Variants in CCSER1 observed in about 807,000 individuals in gnomAD.
The protein encoded by CCSER1 is serine-rich coiled-coil domain-containing protein 1.
In CCSER1, 41 loss-of-function variants were observed where a neutral mutation model predicts 82.0. The observed-to-expected ratio is 0.50, with a 90% CI of 0.39 to 0.65. The LOEUF is 0.65. Among genes scored for constraint, CCSER1 ranks in the 30% least tolerant of loss-of-function variants. CCSER1 has a pLI of 0.00. For synonymous variants in CCSER1, 414 were observed against 383.9 expected (o/e 1.08, Z -0.92); for missense variants, 1,119 against 1,064.2 (o/e 1.05, Z -0.72).
At chr4:91,454,264 C>T (rs1756023392) in intron 10 of CCSER1, among the ~76,000 whole-genome samples, 2 of 152,052 alleles carry the variant, frequency 1.3e-5, no homozygotes, top group African/African-American at 2.4e-5. Context: ...GCTGGTCGCC[C>T]TACAAAGGCT....
At chr4:90,193,420 A>G (rs935636398) in intron 1 of CCSER1, among the ~76,000 whole-genome samples, 10 of 152,108 alleles carry the variant, frequency 6.6e-5, no homozygotes, top group African/African-American at 2.4e-4. Context: ...TTGGAATTGA[A>G]TAGCTAAGTA....
chr4:91,558,257 T>A (rs1762494186), intron 10 of CCSER1, among the ~76,000 whole-genome samples: 1 of 151,508 alleles, frequency 6.6e-6, no homozygotes, highest in Non-Finnish European at 1.5e-5. Flanking sequence ...TATTATTGGT[T>A]CCCATGTTAT....
intron 1 of CCSER1, among the ~76,000 whole-genome samples, chr4:90,201,210 TTAAAA>T (rs1737642024): frequency 1.3e-5 from 2 of 152,318 alleles, no homozygotes; most frequent in South Asian, 4.1e-4. Context: ...CAGCTTACAA[TTAAAA>T]TAAATAATTC....
intron 1 of CCSER1, among the ~76,000 whole-genome samples, chr4:90,276,611 G>T (rs2153457923): frequency 6.6e-6 from 1 of 152,152 alleles, no homozygotes; most frequent in Admixed American, 6.5e-5. Context: ...CACCCAAAGT[G>T]CTGGGATTAT....
rs1742424587 is a variant in CCSER1, at chr4:91,276,224, A to T, written c.2217+190230A>T. 2.0e-5 allele frequency among the ~76,000 whole-genome samples: 3 copies of T among 148,900 alleles called. No homozygotes were observed. The South Asian group carries it at 6.3e-4, about 31-fold the overall frequency. On this transcript the variant is annotated intron_variant, in intron 10 of 10. Coordinates refer to ENST00000509176, the MANE Select transcript of CCSER1 (RefSeq NM_001145065.2). The stretch of plus-strand genomic sequence containing the variant: ...ACATTGGTATTTTATTAAGGATTGC[A>T]CTGAATTTGTAGATTTCTTTGGGTA...
intron 6 of CCSER1, among the ~76,000 whole-genome samples, chr4:90,637,273 T>A (rs1725598104): frequency 6.6e-6 from 1 of 152,146 alleles, no homozygotes; most frequent in African/African-American, 2.4e-5. Context: ...AGGCCTCAGT[T>A]CCTTACCATG....
chr4:91,093,896 C>A (rs1021079112), intron 10 of CCSER1, among the ~76,000 whole-genome samples: 27 of 152,214 alleles, frequency 1.8e-4, no homozygotes, highest in African/African-American at 6.5e-4. Context: ...CCATAATCTG[C>A]AAAACCCCAC....
At chr4:91,482,044 A>C (rs1032322365) in intron 10 of CCSER1, among the ~76,000 whole-genome samples, 4 of 151,862 alleles carry the variant, frequency 2.6e-5, no homozygotes, top group Non-Finnish European at 5.9e-5. Context: ...TGGCGATCAG[A>C]GAGATGCAAA....
At position 90,776,223 on chromosome 4, in the gene CCSER1, G is replaced by A. The variant is rs139857541; in HGVS notation, c.2011-39539G>A. On this transcript the variant is annotated intron_variant, in intron 7 of 10. Coordinates refer to ENST00000509176, the MANE Select transcript of CCSER1 (RefSeq NM_001145065.2). ...AAATCAAGGAGGTAAGTTTTGTGCT[G>A]TAAGTCTGTAATACACTGGCAAATC... 1.8e-3 allele frequency among the ~76,000 whole-genome samples: 277 copies of A among 152,260 alleles called. 1 individual carries two copies. Among genetic ancestry groups the A allele is most frequent in the African/African-American group, 6.4e-3 (265 of 41,562 alleles).
chr4:90,838,429 C>A (rs1258397964), intron 8 of CCSER1, among the ~76,000 whole-genome samples: 1 of 151,316 alleles, frequency 6.6e-6, no homozygotes, highest in Non-Finnish European at 1.5e-5. Context: ...TTTATATGAT[C>A]TGCTTGATCA....
chr4:91,444,031 C>T (rs1997497), intron 10 of CCSER1, among the ~76,000 whole-genome samples: 116,051 of 151,882 alleles, frequency 0.76, 44,597 homozygotes, highest in East Asian at 0.92. Context: ...GCTTGTGATA[C>T]ATTTTGTCTC....
chr4:90,211,635 T>C (rs1380730788), intron 1 of CCSER1, among the ~76,000 whole-genome samples: 1 of 152,204 alleles, frequency 6.6e-6, no homozygotes, highest in Admixed American at 6.5e-5. Flanking sequence ...CTTATACCCA[T>C]GGTTGGCAAA....
intron 10 of CCSER1, among the ~76,000 whole-genome samples, chr4:91,349,128 T>C (rs192817754): frequency 0.018 from 2,700 of 152,114 alleles, 66 homozygotes; most frequent in African/African-American, 0.061. Context: ...AGGATGGTCT[T>C]TATCTCCTGA....
intron 3 of CCSER1, chr4:90,325,586 A>G (rs969877626): frequency 4.7e-6 from 2 of 428,728 alleles, no homozygotes; most frequent in Non-Finnish European, 9.6e-6. Context: ...GATAATATTT[A>G]TTGATTCAGG....
chr4:90,411,024 G>A (rs536404137), intron 4 of CCSER1, among the ~76,000 whole-genome samples: 3 of 152,280 alleles, frequency 2.0e-5, no homozygotes, highest in South Asian at 2.1e-4. Flanking sequence ...AGAAAATCTA[G>A]AAGAAATGGA....
chr4:91,466,741 A>G (rs1040084281), intron 10 of CCSER1, among the ~76,000 whole-genome samples: 1 of 152,142 alleles, frequency 6.6e-6, no homozygotes, highest in African/African-American at 2.4e-5. Flanking sequence ...TCATAAGTGA[A>G]CTCCCATTCA....
chr4:90,578,874 T>C (rs1781079733), intron 5 of CCSER1, among the ~76,000 whole-genome samples: 1 of 152,166 alleles, frequency 6.6e-6, no homozygotes, highest in South Asian at 2.1e-4. Context: ...CAGAGGAACC[T>C]TGAGGTAGAC....
intron 7 of CCSER1, among the ~76,000 whole-genome samples, chr4:90,769,399 A>T (rs970159343): frequency 2.0e-5 from 3 of 152,178 alleles, no homozygotes; most frequent in Admixed American, 6.5e-5. Flanking sequence ...AGACTGAGAG[A>T]GCTGCTCAAC....
intron 3 of CCSER1, among the ~76,000 whole-genome samples, chr4:90,369,318 G>T (rs7442095): frequency 0.027 from 2,801 of 103,726 alleles, 223 homozygotes; most frequent in African/African-American, 0.061. Context: ...CAAAGATGAG[G>T]ATGAGGAGGA....
Sources: allele counts gnomAD v4.1 joint callset (sites outside exome capture counted in the v4.1 genomes callset), GRCh38; gene constraint gnomAD v4.1.1; transcripts MANE v1.5; gene names NCBI Gene and HGNC (gene_info 2026-07-23, HGNC 2026-07-21).